The following PCDHGA1 variants were observed in gnomAD, a reference collection of about 807,000 sequenced individuals.
PCDHGA1 encodes protocadherin gamma-A1.
Under a neutral mutation model 58.0 loss-of-function variants are expected in PCDHGA1, and 32 were observed. The observed-to-expected ratio is 0.55, with a 90% CI of 0.42 to 0.74. The LOEUF (loss-of-function observed/expected upper bound fraction) is 0.74, where lower values mean the gene tolerates loss of function less well. Ranked by LOEUF, PCDHGA1 falls within the 30% of genes least tolerant of loss-of-function variation. The pLI is 0.00. For synonymous variants in PCDHGA1, 498 were observed against 501.1 expected, an observed-to-expected ratio of 0.99 and a Z score of 0.08; for missense variants, 1,205 against 1,182.3, an observed-to-expected ratio of 1.02 and a Z score of -0.28.
chr5:141,486,263 G>GAACCTGGC lies in PCDHGA1; in HGVS notation c.2422-8542_2422-8535dup. 6.2e-7 allele frequency: 1 copy of GAACCTGGC among 1,614,090 alleles called. No homozygotes were observed. Among genetic ancestry groups the GAACCTGGC allele is most frequent in the South Asian group, 1.1e-5 (1 of 91,064 alleles). On this transcript the variant is annotated intron_variant, in intron 1 of 3. Coordinates refer to ENST00000517417, the MANE Select transcript of PCDHGA1 (RefSeq NM_018912.3). This position sits in a 1 kb window ranked among gnomAD's most constrained non-coding sequence, Gnocchi z 5.0. ...GCTTGGAACCCTCCCCGAGAGTGCAGAACCTGGCACTGTGGTGGCACTTAT... is the reference window on the plus strand; with the variant it reads ...GCTTGGAACCCTCCCCGAGAGTGCAGAACCTGGCAACCTGGCACTGTGGTGGCACTTAT...
Position 141,477,535 on chromosome 5 carries a change from G to A in PCDHGA1, c.2422-17272G>A, listed in dbSNP as rs2099412713. ...ACATTGAAGAAAACAACCTCCCCGG[G>A]GCTCCAATACTAAACCTAAGTGTCT... On this transcript the variant is annotated intron_variant, in intron 1 of 3. Transcript: ENST00000517417. The surrounding 1 kb of genome is among the most constrained non-coding windows in gnomAD (Gnocchi z 4.9). 1.2e-6 allele frequency: 2 copies of A among 1,613,936 alleles called. No homozygotes were observed. The highest frequency in any genetic ancestry group is 2.7e-5 in the African/African-American group (2 of 74,866).
At chr5:141,338,959 C>T (rs746088154) in intron 1 of PCDHGA1, 1 of 1,523,888 alleles carries the variant, frequency 6.6e-7, no homozygotes, top group South Asian at 1.3e-5. Flanking sequence ...GAGAAAATTG[C>T]GACAGGAGGG....
At chr5:141,364,982 G>A (rs745559474) in intron 1 of PCDHGA1, 1 of 1,613,868 alleles carries the variant, frequency 6.2e-7, no homozygotes, top group South Asian at 1.1e-5. Flanking sequence ...TTTAGATGGC[G>A]GAGACCCGGT....
At chr5:141,502,866 C>CTTT (rs549047197) in intron 2 of PCDHGA1, among the ~76,000 whole-genome samples, 3 of 128,046 alleles carry the variant, frequency 2.3e-5, no homozygotes, top group African/African-American at 9.3e-5. Context: ...GACTCTCTGT[C>CTTT]TTTTTTTTTT....
intron 2 of PCDHGA1, among the ~76,000 whole-genome samples, chr5:141,503,985 T>C (rs1277024188): frequency 6.6e-6 from 1 of 152,150 alleles, no homozygotes; most frequent in African/African-American, 2.4e-5. Flanking sequence ...ACCCTTCTTC[T>C]TACCTTACAG....
chr5:141,506,801 C>A (rs1322016728), intron 3 of PCDHGA1, among the ~76,000 whole-genome samples: 2 of 152,166 alleles, frequency 1.3e-5, no homozygotes, highest in Non-Finnish European at 2.9e-5. Flanking sequence ...GGCAGAGGAT[C>A]AAGGCATTGC....
intron 1 of PCDHGA1, among the ~76,000 whole-genome samples, chr5:141,469,375 G>C (rs942714664): frequency 2.0e-5 from 3 of 152,076 alleles, no homozygotes; most frequent in African/African-American, 7.2e-5. Flanking sequence ...AAGAGATCGA[G>C]ACCATCCTGG....
chr5:141,393,853 T>A, intron 1 of PCDHGA1: 1 of 1,613,992 alleles, frequency 6.2e-7, no homozygotes, highest in Admixed American at 1.7e-5. Context: ...AGACCAGAAG[T>A]GATCATTACG....
At position 141,405,211 on chromosome 5, in the gene PCDHGA1, T is replaced by G. The variant is rs756004707; in HGVS notation, c.2421+72106T>G. On this transcript the variant is annotated intron_variant, in intron 1 of 3. Coordinates refer to ENST00000517417, the MANE Select transcript of PCDHGA1 (RefSeq NM_018912.3). ...GGGTTCGAGCTTTCCTACAGACCTA[T>G]TCTCAGGAGTTCTCCCTCACCGCTG... The G allele has an allele frequency of 7.4e-6, 12 of 1,613,432 alleles. No homozygotes were observed. In the South Asian group the frequency reaches 1.2e-4, roughly 16 times the overall value.
intron 1 of PCDHGA1, among the ~76,000 whole-genome samples, chr5:141,369,166 G>C (rs1766070013): frequency 6.6e-6 from 1 of 152,148 alleles, no homozygotes; most frequent in African/African-American, 2.4e-5. Context: ...AGGGAAAAGT[G>C]TAAATAACAA....
chr5:141,423,456 C>T, intron 1 of PCDHGA1: 1 of 1,613,924 alleles, frequency 6.2e-7, no homozygotes, highest in Non-Finnish European at 8.5e-7. Context: ...ATTTTGTAGG[C>T]GTGGACGGGG....
chr5:141,381,826 C>CTTTTTTTTTTTTTTTTTTT (rs770630741), intron 1 of PCDHGA1, among the ~76,000 whole-genome samples: 6 of 74,282 alleles, frequency 8.1e-5, no homozygotes, highest in Non-Finnish European at 9.4e-5. Context: ...CTTTCTTCTT[C>CTTTTTTTTTTTTTTTTTTT]TTTTTTTTTT....
At position 141,332,403 on chromosome 5, in the gene PCDHGA1, C is replaced by A; in HGVS notation, c.1719C>A (p.Thr573=). 1 of 1,614,160 alleles carries A rather than the reference C, an allele frequency of 6.2e-7. No homozygotes were observed. Among genetic ancestry groups the A allele is most frequent in the Non-Finnish European group, 8.5e-7 (1 of 1,180,036 alleles). The part of the protein sequence containing the change: ...LYPALPTDGS[T]GVELAPLSAE... The stretch of plus-strand genomic sequence containing the variant: ...CCGCCCTCCCCACAGATGGTTCTAC[C>A]GGCGTGGAGCTGGCGCCCCTCTCCG... Residue 573 remains threonine, a synonymous_variant, in exon 1 of 4, where the codon ACC becomes ACA. Transcript: ENST00000517417. The surrounding 1 kb of genome is among the most constrained non-coding windows in gnomAD (Gnocchi z 4.6).
intron 1 of PCDHGA1, among the ~76,000 whole-genome samples, chr5:141,481,037 G>A (rs1438691746): frequency 2.0e-5 from 3 of 152,050 alleles, no homozygotes; most frequent in East Asian, 3.9e-4. Context: ...CAGCCTGGGC[G>A]ACAGAGCGAG....
chr5:141,438,629 T>C (rs1162332421), intron 1 of PCDHGA1, among the ~76,000 whole-genome samples: 9 of 48,096 alleles, frequency 1.9e-4, no homozygotes, highest in Admixed American at 6.4e-4. Context: ...TATATATATA[T>C]ATATATACAC....
At chr5:141,472,507 T>G (rs919448316) in intron 1 of PCDHGA1, among the ~76,000 whole-genome samples, 2 of 151,872 alleles carry the variant, frequency 1.3e-5, no homozygotes, top group African/African-American at 4.8e-5. Context: ...GCCACTGCAC[T>G]CCAGCCTGGG....
intron 1 of PCDHGA1, chr5:141,374,319 C>A: frequency 6.2e-7 from 1 of 1,613,942 alleles, no homozygotes; most frequent in Non-Finnish European, 8.5e-7. Flanking sequence ...TCTCTGAATC[C>A]GCGAAACGGC....
chr5:141,365,419 A>G (rs747311878), intron 1 of PCDHGA1: 4 of 1,613,996 alleles, frequency 2.5e-6, no homozygotes, highest in Non-Finnish European at 3.4e-6. Context: ...GTCTTCCCGG[A>G]ACTGTAATCG....
At chr5:141,495,804 T>G (rs894259635) in intron 2 of PCDHGA1, among the ~76,000 whole-genome samples, 1 of 152,168 alleles carries the variant, frequency 6.6e-6, no homozygotes, top group South Asian at 2.1e-4. Flanking sequence ...TTTCACCGTT[T>G]CCTAGCGCCT....
Sources: allele counts gnomAD v4.1 joint callset (sites outside exome capture counted in the v4.1 genomes callset), GRCh38; gene constraint gnomAD v4.1.1; non-coding constraint Gnocchi (gnomAD v3.1); transcripts MANE v1.5; gene names NCBI Gene and HGNC (gene_info 2026-07-23, HGNC 2026-07-21).